Variants in NEBL observed in about 807,000 individuals in gnomAD.
The protein encoded by NEBL is nebulette, also known as LIM and SH3 protein 2.
A neutral mutation model predicts 140.2 loss-of-function variants in NEBL; 122 were observed. The observed-to-expected ratio is 0.87, with a 90% CI of 0.75 to 1.01. NEBL has a LOEUF of 1.01. Ranked by LOEUF, NEBL falls within the 50% of genes least tolerant of loss-of-function variation. The pLI, the probability that NEBL is intolerant of heterozygous loss-of-function variation, is 0.00. For missense variants in NEBL, 1,365 were observed against 1,231.3 expected, an observed-to-expected ratio of 1.11 and a Z score of -1.62; for synonymous variants, 436 against 398.9, an observed-to-expected ratio of 1.09 and a Z score of -1.11.
At chr10:20,863,870 A>G (rs1843985981) in intron 7 of NEBL, among the ~76,000 whole-genome samples, 1 of 152,178 alleles carries the variant, frequency 6.6e-6, no homozygotes, top group African/African-American at 2.4e-5. Context: ...AGCAATATTT[A>G]AATTGGCGAG....
intron 3 of NEBL, among the ~76,000 whole-genome samples, chr10:21,010,656 T>A (rs1007756379): frequency 1.3e-5 from 2 of 152,126 alleles, no homozygotes; most frequent in African/African-American, 4.8e-5. Context: ...AGACATTTCA[T>A]AAAAGTATAC....
At chr10:20,969,817 T>G (rs2131635148) in intron 3 of NEBL, among the ~76,000 whole-genome samples, 2 of 152,212 alleles carry the variant, frequency 1.3e-5, no homozygotes, top group Admixed American at 1.3e-4. Flanking sequence ...AGTGCTGAGA[T>G]TCCAGGTGTG....
At chr10:21,042,877 C>A (rs1834335991) in intron 2 of NEBL, among the ~76,000 whole-genome samples, 1 of 152,226 alleles carries the variant, frequency 6.6e-6, no homozygotes, top group South Asian at 2.1e-4. Context: ...TTTGCTTTCA[C>A]TTAAAGAATT....
At chr10:20,873,559 G>T (rs1845190014) in intron 5 of NEBL, among the ~76,000 whole-genome samples, 1 of 151,934 alleles carries the variant, frequency 6.6e-6, no homozygotes, top group Non-Finnish European at 1.5e-5. Context: ...GGGAGAAAAA[G>T]AAAATAATAA....
At position 20,828,618 on chromosome 10, in the gene NEBL, T is replaced by C. The variant is rs1442199403; in HGVS notation, c.1688A>G (p.Glu563Gly). ...EIYSQRKYKDEAEKMLSNYST... is the reference protein window; with the variant it reads ...EIYSQRKYKDGAEKMLSNYST... Reference sequence around the variant, plus strand: ...ATAGTTAGAAAGCATCTTCTCTGCTTCATCTTTATACTTTCTCTAAAAACA... The same window carrying C: ...ATAGTTAGAAAGCATCTTCTCTGCTCCATCTTTATACTTTCTCTAAAAACA... Residue 563 changes from glutamate (E) to glycine (G), a missense_variant, in exon 17 of 28, where the codon GAA becomes GGA. By Grantham distance (98) the Glu-to-Gly change is moderately conservative (BLOSUM62 -2). Transcript: ENST00000377122. 2 of 1,574,608 alleles carry C rather than the reference T, an allele frequency of 1.3e-6. No individual in the cohort carries two copies. Among genetic ancestry groups the C allele is most frequent in the African/African-American group, 1.3e-5 (1 of 74,096 alleles).
chr10:21,169,935 G>A (rs1463303279), intron 2 of NEBL, among the ~76,000 whole-genome samples: 2 of 152,142 alleles, frequency 1.3e-5, no homozygotes, highest in South Asian at 2.1e-4. Context: ...ACAACGGGAT[G>A]TTTCTTTTTC....
intron 2 of NEBL, among the ~76,000 whole-genome samples, chr10:21,107,063 C>T (rs1385225186): frequency 6.6e-6 from 1 of 152,002 alleles, no homozygotes; most frequent in African/African-American, 2.4e-5. Flanking sequence ...AGTTACTTAT[C>T]AGCTTAAGGA....
intron 3 of NEBL, among the ~76,000 whole-genome samples, chr10:21,242,894 G>T (rs1842459353): frequency 6.6e-6 from 1 of 152,148 alleles, no homozygotes; most frequent in South Asian, 2.1e-4. Flanking sequence ...GTTTGGGGGT[G>T]AGAAGAACAG....
At chr10:21,239,824 A>T (rs7096094) in intron 3 of NEBL, among the ~76,000 whole-genome samples, 1 of 151,856 alleles carries the variant, frequency 6.6e-6, no homozygotes, top group Non-Finnish European at 1.5e-5. Context: ...AGACCATCCT[A>T]GCTAACATGG....
At chr10:21,144,801 G>C (rs922545215) in intron 2 of NEBL, among the ~76,000 whole-genome samples, 4 of 151,984 alleles carry the variant, frequency 2.6e-5, no homozygotes, top group Admixed American at 6.6e-5. Context: ...ATCATATAAG[G>C]CCAAGTGACT....
intron 5 of NEBL, among the ~76,000 whole-genome samples, chr10:20,871,859 A>T (rs1157857758): frequency 6.6e-6 from 1 of 152,194 alleles, no homozygotes; most frequent in Non-Finnish European, 1.5e-5. Context: ...ATTGGCTTCA[A>T]AAAGCAACAT....
At chr10:20,972,039 G>A (rs1036740120) in intron 3 of NEBL, among the ~76,000 whole-genome samples, 4 of 152,280 alleles carry the variant, frequency 2.6e-5, no homozygotes, top group South Asian at 2.1e-4. Context: ...AAAGTATTAC[G>A]AAATAAGTAA....
intron 2 of NEBL, among the ~76,000 whole-genome samples, chr10:21,059,867 T>G (rs2131874774): frequency 6.6e-6 from 1 of 152,276 alleles, no homozygotes; most frequent in South Asian, 2.1e-4. Flanking sequence ...AATAAAGTCA[T>G]AAGATGGCCA....
At chr10:20,836,655 G>A (rs1840922574) in intron 13 of NEBL, among the ~76,000 whole-genome samples, 1 of 152,144 alleles carries the variant, frequency 6.6e-6, no homozygotes, top group Non-Finnish European at 1.5e-5. Context: ...GTTTGCAAGA[G>A]GGAGGAGCCT....
At chr10:20,893,417 G>A (rs1051085155) in intron 2 of NEBL, among the ~76,000 whole-genome samples, 1 of 152,324 alleles carries the variant, frequency 6.6e-6, no homozygotes, top group East Asian at 1.9e-4. Context: ...GGCTGCCTCA[G>A]AAGACCAGCT....
intron 3 of NEBL, among the ~76,000 whole-genome samples, chr10:21,206,065 T>C (rs973321894): frequency 1.3e-5 from 2 of 152,182 alleles, no homozygotes; most frequent in African/African-American, 2.4e-5. Context: ...AACCTAAGAT[T>C]GTCTTCAGCA....
chr10:21,203,585 TAAAG>T (rs939381798), intron 3 of NEBL, among the ~76,000 whole-genome samples: 1 of 152,106 alleles, frequency 6.6e-6, no homozygotes, highest in Non-Finnish European at 1.5e-5. Flanking sequence ...GGCCGAATGA[TAAAG>T]AAGAATAAAA....
chr10:20,900,551 C>T (rs143921441), upstream of NEBL, among the ~76,000 whole-genome samples: 692 of 150,754 alleles, frequency 4.6e-3, 5 homozygotes, highest in African/African-American at 0.016. Flanking sequence ...GGGCTGGGTG[C>T]GGTGGTTCAC....
At chr10:21,218,604 A>G (rs1326757117) in intron 3 of NEBL, among the ~76,000 whole-genome samples, 1 of 152,220 alleles carries the variant, frequency 6.6e-6, no homozygotes, top group Admixed American at 6.5e-5. Context: ...TCCTCTGCCC[A>G]TGGAACACAA....
Sources: allele counts gnomAD v4.1 joint callset (sites outside exome capture counted in the v4.1 genomes callset), GRCh38; gene constraint gnomAD v4.1.1; transcripts MANE v1.5; gene names NCBI Gene and HGNC (gene_info 2026-07-23, HGNC 2026-07-21).